IL1RAPL1: variants seen among roughly 807,000 people sequenced by gnomAD.
IL1RAPL1 encodes the protein interleukin 1 receptor accessory protein like 1.
Under a neutral mutation model 48.4 loss-of-function variants are expected in IL1RAPL1, and 3 were observed. The observed-to-expected ratio is 0.06, with a 90% CI of 0.03 to 0.16. IL1RAPL1 has a LOEUF of 0.16. Among genes scored for constraint, IL1RAPL1 ranks in the 10% least tolerant of loss-of-function variants. The pLI, the probability that IL1RAPL1 is intolerant of heterozygous loss-of-function variation, is 1.00. For synonymous variants in IL1RAPL1, 185 were observed against 187.7 expected (o/e 0.99, Z 0.12); for missense variants, 349 against 530.6 (o/e 0.66, Z 3.36).
At position 29,932,769 on chromosome X, in the gene IL1RAPL1, CTTA is replaced by C. The variant is rs746742272; in HGVS notation, c.1058-8870_1058-8868del. Among the ~76,000 whole-genome samples the C allele has an allele frequency of 3.4e-3, 372 of 110,842 alleles. 2 individuals carry two copies. Among genetic ancestry groups the C allele is most frequent in the South Asian group, 8.2e-3 (22 of 2,683 alleles). On this transcript the variant is annotated intron_variant, in intron 8 of 10. Coordinates refer to ENST00000378993, the MANE Select transcript of IL1RAPL1 (RefSeq NM_014271.4). Reference sequence around the variant, plus strand: ...CTTAAGTGCTCAATAAATATCAGCTCTTATTATTATTATTTATTATTATCTGCT... The same window carrying C: ...CTTAAGTGCTCAATAAATATCAGCTCTTATTATTATTTATTATTATCTGCT...
chrX:29,232,508 C>T (rs1480648479), intron 2 of IL1RAPL1, among the ~76,000 whole-genome samples: 3 of 111,952 alleles, frequency 2.7e-5, no homozygotes, highest in South Asian at 3.7e-4. Flanking sequence ...TTTAACAGTT[C>T]GTAACAAATG....
chrX:29,041,514 G>T, intron 2 of IL1RAPL1, among the ~76,000 whole-genome samples: 1 of 112,048 alleles, frequency 8.9e-6, no homozygotes, highest in Non-Finnish European at 1.9e-5. Flanking sequence ...GTTAAACGAT[G>T]ATGTGTTGTT....
chrX:29,055,415 T>C (rs1384769970), intron 2 of IL1RAPL1, among the ~76,000 whole-genome samples: 2 of 111,744 alleles, frequency 1.8e-5, no homozygotes, highest in African/African-American at 6.5e-5. Context: ...ATGCAAAGTT[T>C]AGAGCTGAAA....
chrX:29,706,353 A>T (rs772280987), intron 6 of IL1RAPL1, among the ~76,000 whole-genome samples: 1 of 111,570 alleles, frequency 9.0e-6, no homozygotes, highest in Non-Finnish European at 1.9e-5. Flanking sequence ...ACTCATTCCA[A>T]CTTTAACTCA....
intron 2 of IL1RAPL1, among the ~76,000 whole-genome samples, chrX:28,959,077 A>T (rs893165362): frequency 2.1e-4 from 23 of 111,705 alleles, no homozygotes; most frequent in African/African-American, 7.4e-4. Context: ...AAGAAATGTA[A>T]CATCATTTTT....
At chrX:29,505,638 G>A (rs1056879210) in intron 5 of IL1RAPL1, among the ~76,000 whole-genome samples, 1 of 109,665 alleles carries the variant, frequency 9.1e-6, no homozygotes, top group Non-Finnish European at 1.9e-5. Flanking sequence ...TGTGTTATTT[G>A]CTTCTTTTCT....
intron 1 of IL1RAPL1, among the ~76,000 whole-genome samples, chrX:28,722,609 C>T (rs918916156): frequency 9.0e-6 from 1 of 111,448 alleles, no homozygotes; most frequent in Admixed American, 9.6e-5. Flanking sequence ...ATTGCCCTGG[C>T]CAGAACTTCC....
At chrX:29,334,744 T>G (rs1334395333) in intron 3 of IL1RAPL1, among the ~76,000 whole-genome samples, 2 of 111,632 alleles carry the variant, frequency 1.8e-5, no homozygotes, top group Non-Finnish European at 3.8e-5. Context: ...CGCTCCTCAC[T>G]TCCTAGATGG....
At chrX:29,648,920 GAAGA>G (rs1295685571) in intron 5 of IL1RAPL1, among the ~76,000 whole-genome samples, 5 of 111,648 alleles carry the variant, frequency 4.5e-5, no homozygotes, top group East Asian at 2.8e-4. Context: ...AATCAGAGAT[GAAGA>G]AAGAGACATT....
intron 2 of IL1RAPL1, among the ~76,000 whole-genome samples, chrX:29,245,571 C>T (rs1168512119): frequency 1.8e-5 from 2 of 111,888 alleles, no homozygotes; most frequent in Admixed American, 1.9e-4. Flanking sequence ...ACATAAATGT[C>T]TTCTTTTGAG....
chrX:29,263,871 C>A (rs894793370), intron 2 of IL1RAPL1, among the ~76,000 whole-genome samples: 5 of 71,390 alleles, frequency 7.0e-5, no homozygotes, highest in Non-Finnish European at 1.4e-4. Context: ...CCCCCCCCCC[C>A]GCTCTCATAG....
At chrX:29,436,097 A>G (rs995643064) in intron 5 of IL1RAPL1, among the ~76,000 whole-genome samples, 1 of 109,413 alleles carries the variant, frequency 9.1e-6, no homozygotes, top group Non-Finnish European at 1.9e-5. Context: ...GGCAGTTATT[A>G]TGTTAAATAT....
intron 5 of IL1RAPL1, among the ~76,000 whole-genome samples, chrX:29,427,645 A>C (rs959837844): frequency 9.0e-6 from 1 of 111,319 alleles, no homozygotes; most frequent in Admixed American, 9.6e-5. Context: ...TCCCAGGTTC[A>C]GGTGGCATCA....
At chrX:28,980,496 T>A (rs1208489530) in intron 2 of IL1RAPL1, among the ~76,000 whole-genome samples, 1 of 112,311 alleles carries the variant, frequency 8.9e-6, no homozygotes, top group African/African-American at 3.2e-5. Context: ...CAAACATGTA[T>A]AACTTGGAGT....
At chrX:29,365,741 T>A (rs28489635) in intron 3 of IL1RAPL1, among the ~76,000 whole-genome samples, 3 of 106,098 alleles carry the variant, frequency 2.8e-5, no homozygotes, top group African/African-American at 1.0e-4. Context: ...AATACTTTTT[T>A]AAAAAAGAAA....
At chrX:29,747,800 T>A (rs1010755692) in intron 6 of IL1RAPL1, among the ~76,000 whole-genome samples, 24 of 112,295 alleles carry the variant, frequency 2.1e-4, no homozygotes, top group Admixed American at 1.5e-3. Context: ...AGACAGACAT[T>A]TATAAAAGTA....
At chrX:28,811,551 A>G (rs1184635544) in intron 2 of IL1RAPL1, among the ~76,000 whole-genome samples, 2 of 111,145 alleles carry the variant, frequency 1.8e-5, no homozygotes, top group African/African-American at 3.3e-5. Flanking sequence ...ACATGGTCAG[A>G]TAAAGGAAGG....
rs745640369 is a variant in IL1RAPL1 at position 29,622,147 on chromosome X, G to C, written c.704-46283G>C. 2.7e-5 allele frequency among the ~76,000 whole-genome samples: 3 copies of C among 112,222 alleles called. No homozygotes were observed. In the East Asian group the frequency reaches 8.3e-4, roughly 31 times the overall value. ...TCTGCCAGAACTGAATTTTAAATGG[G>C]GTTTTAGGCCTGGATTGACTTTAGA... On this transcript the variant is annotated intron_variant, in intron 5 of 10. Transcript: ENST00000378993.
intron 1 of IL1RAPL1, among the ~76,000 whole-genome samples, chrX:28,761,232 A>G (rs1482720336): frequency 4.5e-5 from 5 of 111,376 alleles, no homozygotes; most frequent in African/African-American, 1.6e-4. Flanking sequence ...AAACAGAACT[A>G]TCATTCAACC....
Sources: gnomAD v4.1 joint callset for allele counts (sites outside exome capture counted in the v4.1 genomes callset) on GRCh38, gnomAD v4.1.1 for gene constraint, MANE v1.5 for transcripts, NCBI Gene and HGNC (gene_info 2026-07-23, HGNC 2026-07-21) for gene names.